The following ARL8B variants were observed in gnomAD, a reference collection of about 807,000 sequenced individuals.
ARL8B encodes ADP-ribosylation factor-like protein 8B.
Under a neutral mutation model 30.6 loss-of-function variants are expected in ARL8B, and 9 were observed. The ratio of observed to expected loss-of-function variants is 0.29; its 90% confidence interval spans 0.18 to 0.51. ARL8B has a LOEUF of 0.51. Among genes scored for constraint, ARL8B ranks in the 20% least tolerant of loss-of-function variants. ARL8B has a pLI of 0.97. For missense variants in ARL8B, 130 were observed against 227.2 expected (o/e 0.57, Z 2.75); for synonymous variants, 74 against 76.0 (o/e 0.97, Z 0.14).
At chr3:5,150,247 G>A (rs552199470) in intron 1 of ARL8B, among the ~76,000 whole-genome samples, 1 of 152,212 alleles carries the variant, frequency 6.6e-6, no homozygotes, top group East Asian at 1.9e-4. Flanking sequence ...GGGATCACCT[G>A]AGGTTGAGAG....
chr3:5,157,635 G>A (rs2054544632), intron 1 of ARL8B: 1 of 152,214 alleles, frequency 6.6e-6, no homozygotes, highest in Admixed American at 6.5e-5. Flanking sequence ...TGCCTTAAGT[G>A]TGCACAGCTT....
At chr3:5,136,246 TTA>T (rs550247478) in intron 1 of ARL8B, among the ~76,000 whole-genome samples, 219 of 152,270 alleles carry the variant, frequency 1.4e-3, no homozygotes, top group African/African-American at 4.5e-3. Context: ...ACGTAAGGCA[TTA>T]TATTATTCTT....
At chr3:5,137,006 T>G (rs964353268) in intron 1 of ARL8B, among the ~76,000 whole-genome samples, 3 of 152,224 alleles carry the variant, frequency 2.0e-5, no homozygotes, top group Non-Finnish European at 2.9e-5. Context: ...GGCCTTTAAA[T>G]GAAGCAGTGT....
chr3:5,150,463 A>AAAGTAAATAAATAAATAAAT (rs1553580545), intron 1 of ARL8B, among the ~76,000 whole-genome samples: 11 of 145,954 alleles, frequency 7.5e-5, no homozygotes, highest in East Asian at 5.9e-4. Context: ...AATCCATGTC[A>AAAGTAAATAAATAAATAAAT]AAATAAATAA....
chr3:5,178,716 C>G lies in ARL8B; in HGVS notation c.*3C>G. Reference sequence around the variant, plus strand: ...ATTCAAAATCTAGAAGAAGCTGAAGCATCTCCTGAAGTCTTCCAGTCCTTC... The same window carrying G: ...ATTCAAAATCTAGAAGAAGCTGAAGGATCTCCTGAAGTCTTCCAGTCCTTC... On this transcript the variant is annotated 3_prime_UTR_variant, in exon 7 of 7. Coordinates refer to ENST00000256496, the MANE Select transcript of ARL8B (RefSeq NM_018184.3). 6.2e-7 allele frequency: 1 copy of G among 1,611,466 alleles called. No homozygotes were observed. The highest frequency in any genetic ancestry group is 8.5e-7 in the Non-Finnish European group (1 of 1,178,758).
chr3:5,140,573 C>T (rs1244317976), intron 1 of ARL8B, among the ~76,000 whole-genome samples: 4 of 140,312 alleles, frequency 2.9e-5, no homozygotes, highest in Non-Finnish European at 6.2e-5. Context: ...TTTTTTTTGG[C>T]AAAATTTCAA....
At chr3:5,130,300 C>T (rs1314683958) in intron 1 of ARL8B, among the ~76,000 whole-genome samples, 1 of 151,704 alleles carries the variant, frequency 6.6e-6, no homozygotes, top group Non-Finnish European at 1.5e-5. Flanking sequence ...GCTGAGATTA[C>T]AGGCAGGAGC....
chr3:5,143,410 T>G (rs547596482), intron 1 of ARL8B, among the ~76,000 whole-genome samples: 9 of 152,292 alleles, frequency 5.9e-5, no homozygotes, highest in Non-Finnish European at 1.3e-4. Context: ...TCCCCATGCA[T>G]CCTTGTCCTG....
At chr3:5,123,726 G>A (rs1399392179) in intron 1 of ARL8B, among the ~76,000 whole-genome samples, 1 of 152,212 alleles carries the variant, frequency 6.6e-6, no homozygotes, top group Non-Finnish European at 1.5e-5. Flanking sequence ...GGTAACTTGT[G>A]ATTCTTAGTC....
intron 1 of ARL8B, among the ~76,000 whole-genome samples, chr3:5,169,301 GTGTT>G (rs1453640464): frequency 1.2e-4 from 14 of 119,634 alleles, no homozygotes; most frequent in East Asian, 2.5e-4. Context: ...GTGAAATACA[GTGTT>G]TGTGTGTGTG....
chr3:5,132,675 A>G (rs1364060230), intron 1 of ARL8B, among the ~76,000 whole-genome samples: 1 of 152,204 alleles, frequency 6.6e-6, no homozygotes, highest in Non-Finnish European at 1.5e-5. Context: ...GCCACATGAC[A>G]AGCTCTTTAA....
At chr3:5,166,941 G>A (rs780350471) in intron 1 of ARL8B, among the ~76,000 whole-genome samples, 13 of 152,112 alleles carry the variant, frequency 8.5e-5, no homozygotes, top group South Asian at 4.2e-4. Context: ...TTAAATGAAC[G>A]GCCTATGAAT....
chr3:5,146,322 A>T (rs963694906), intron 1 of ARL8B, among the ~76,000 whole-genome samples: 6 of 152,182 alleles, frequency 3.9e-5, no homozygotes, highest in Admixed American at 1.3e-4. Context: ...AGGTCTGGAC[A>T]ATTTGATTTA....
chr3:5,134,374 G>T (rs114656505), intron 1 of ARL8B, among the ~76,000 whole-genome samples: 273 of 152,350 alleles, frequency 1.8e-3, no homozygotes, highest in African/African-American at 6.1e-3. Flanking sequence ...TAGCTGGGAT[G>T]AAGGCTGTAT....
intron 2 of ARL8B, 133 bp downstream of exon 2, chr3:5,170,716 G>GT (rs1201409293): frequency 6.7e-6 from 4 of 596,704 alleles, no homozygotes; most frequent in Non-Finnish European, 8.5e-6. Flanking sequence ...AAAAGAATAG[G>GT]TTTTTTTGTT....
intron 1 of ARL8B, among the ~76,000 whole-genome samples, chr3:5,137,712 A>G (rs1285409424): frequency 4.6e-5 from 7 of 152,164 alleles, no homozygotes; most frequent in Non-Finnish European, 7.4e-5. Context: ...TGTTGGGATT[A>G]CAGGCGTGAG....
At chr3:5,174,651 T>G (rs1203783291) in intron 6 of ARL8B, among the ~76,000 whole-genome samples, 1 of 145,332 alleles carries the variant, frequency 6.9e-6, no homozygotes, top group East Asian at 2.0e-4. Context: ...CTCATACAAA[T>G]ATATATATAA....
At chr3:5,175,070 G>C (rs1016988732) in intron 6 of ARL8B, among the ~76,000 whole-genome samples, 1 of 151,882 alleles carries the variant, frequency 6.6e-6, no homozygotes, top group Non-Finnish European at 1.5e-5. Context: ...CAAAGTGTTG[G>C]GATTACAGGT....
intron 4 of ARL8B, among the ~76,000 whole-genome samples, chr3:5,173,350 T>A (rs902926340): frequency 6.6e-6 from 1 of 152,188 alleles, no homozygotes; most frequent in Non-Finnish European, 1.5e-5. Flanking sequence ...GCTCAACCAG[T>A]AAGTATATAA....
Sources: allele counts gnomAD v4.1 joint callset (sites outside exome capture counted in the v4.1 genomes callset), GRCh38; gene constraint gnomAD v4.1.1; transcripts MANE v1.5; gene names NCBI Gene and HGNC (gene_info 2026-07-23, HGNC 2026-07-21).